Variants in PLXNC1 observed in about 807,000 individuals in gnomAD.
PLXNC1 encodes the protein plexin C1, also known as plexin-C1.
In PLXNC1, 75 loss-of-function variants were observed where a neutral mutation model predicts 178.2. The ratio of observed to expected loss-of-function variants is 0.42; its 90% confidence interval spans 0.35 to 0.51. PLXNC1 has a LOEUF of 0.51. Among genes scored for constraint, PLXNC1 ranks in the 20% least tolerant of loss-of-function variants. The pLI, the probability that PLXNC1 is intolerant of heterozygous loss-of-function variation, is 0.02. For missense variants in PLXNC1, 1,503 were observed against 1,984.4 expected (o/e 0.76, Z 4.61); for synonymous variants, 790 against 779.9 (o/e 1.01, Z -0.22).
At chr12:94,154,820 C>T (rs17298557) in intron 1 of PLXNC1, among the ~76,000 whole-genome samples, 5,206 of 152,332 alleles carry the variant, frequency 0.034, 122 homozygotes, top group Non-Finnish European at 0.054. Context: ...TGTTGGTGTT[C>T]TGATCTATAC....
intron 4 of PLXNC1, among the ~76,000 whole-genome samples, chr12:94,194,877 G>A (rs1482333037): frequency 6.6e-6 from 1 of 152,286 alleles, no homozygotes; most frequent in Non-Finnish European, 1.5e-5. Flanking sequence ...ACTGTCATTT[G>A]GTGGAAGCCC....
At chr12:94,213,970 G>A (rs11107450) in intron 5 of PLXNC1, among the ~76,000 whole-genome samples, 30,926 of 151,326 alleles carry the variant, frequency 0.2, 3,304 homozygotes, top group Middle Eastern at 0.26. Flanking sequence ...AGGTTCAAGC[G>A]ATTCTCCTGC....
At chr12:94,290,499 G>A (rs1448637069) in intron 23 of PLXNC1, among the ~76,000 whole-genome samples, 2 of 152,090 alleles carry the variant, frequency 1.3e-5, no homozygotes, top group Non-Finnish European at 2.9e-5. Flanking sequence ...GGCCCCAGCC[G>A]GCCCCTGCCC....
chr12:94,177,186 TG>T (rs1962106587), intron 2 of PLXNC1, among the ~76,000 whole-genome samples: 1 of 44,900 alleles, frequency 2.2e-5, no homozygotes, highest in African/African-American at 1.1e-4. Context: ...CGTATATATA[TG>T]TATATATATA....
At chr12:94,165,590 C>T (rs1258670716) in intron 1 of PLXNC1, among the ~76,000 whole-genome samples, 4 of 149,246 alleles carry the variant, frequency 2.7e-5, no homozygotes, top group Non-Finnish European at 4.6e-5. Context: ...GTTTAGTGTC[C>T]GCTCCAACAA....
intron 5 of PLXNC1, among the ~76,000 whole-genome samples, chr12:94,215,901 C>T (rs1466869239): frequency 6.6e-6 from 1 of 152,118 alleles, no homozygotes; most frequent in South Asian, 2.1e-4. Context: ...ATTTATTTTA[C>T]CTCTGAAGCA....
chr12:94,175,183 G>C (rs1962005084), intron 2 of PLXNC1, among the ~76,000 whole-genome samples: 2 of 152,126 alleles, frequency 1.3e-5, no homozygotes, highest in African/African-American at 4.8e-5. Flanking sequence ...GTGTGAGCTT[G>C]TGTGTGTGTA....
chr12:94,262,567 GCGGCT>G (rs773042916), intron 20 of PLXNC1: 1 of 985,328 alleles, frequency 1.0e-6, no homozygotes, highest in Non-Finnish European at 1.2e-6. Context: ...TGGTGAGGGG[GCGGCT>G]CGGCTCGCCA....
intron 4 of PLXNC1, among the ~76,000 whole-genome samples, chr12:94,199,702 G>T (rs1963048352): frequency 6.6e-6 from 1 of 152,196 alleles, no homozygotes; most frequent in South Asian, 2.1e-4. Flanking sequence ...GTGCTAAGGG[G>T]CACCTCTCCA....
chr12:94,156,889 A>G (rs1470105552), intron 1 of PLXNC1, among the ~76,000 whole-genome samples: 1 of 151,140 alleles, frequency 6.6e-6, no homozygotes, highest in African/African-American at 2.4e-5. Context: ...TTTTATTTTT[A>G]TTTTTGGTAA....
chr12:94,173,587 A>T (rs1323767109), intron 2 of PLXNC1, among the ~76,000 whole-genome samples: 1 of 152,052 alleles, frequency 6.6e-6, no homozygotes, highest in Admixed American at 6.6e-5. Context: ...AAATGAAAAA[A>T]CCTGAGGCCT....
Position 94,248,074 on chromosome 12 carries a change from G to A in PLXNC1, c.2560G>A (p.Glu854Lys), listed in dbSNP as rs77127440. 6.6e-5 allele frequency: 107 copies of A among 1,614,120 alleles called. No individual in the cohort carries two copies. Among genetic ancestry groups the A allele is most frequent in the Non-Finnish European group, 8.8e-5 (104 of 1,180,004 alleles). ...ATTCACGGGGTATCGGGTGGAATCC[G>A]AGGTGGACACAGAACTGGAAGTGAA... The part of the protein sequence containing the change: ...PRFTGYRVES[E>K]VDTELEVKIQ... The change falls in exon 13 of 31, where the codon GAG (glutamate) becomes AAG (lysine). Residue 854 changes from glutamate to lysine, a missense_variant. By Grantham distance (56) the Glu-to-Lys change is moderately conservative (BLOSUM62 1). Around this residue, in one of 4 missense-constraint regions of PLXNC1, gnomAD observed 639 missense variants for 979.7 expected, o/e 0.65. Coordinates refer to ENST00000258526, the MANE Select transcript of PLXNC1 (RefSeq NM_005761.3).
chr12:94,160,900 T>C (rs1018721317), intron 1 of PLXNC1, among the ~76,000 whole-genome samples: 7 of 152,210 alleles, frequency 4.6e-5, no homozygotes, highest in African/African-American at 1.7e-4. Flanking sequence ...AGGCAGTAAC[T>C]ACCATAATTT....
chr12:94,203,953 C>T (rs1220504602), intron 4 of PLXNC1, among the ~76,000 whole-genome samples: 1 of 152,216 alleles, frequency 6.6e-6, no homozygotes, highest in African/African-American at 2.4e-5. Flanking sequence ...CAAATTCAGT[C>T]TCTTTCTCTT....
intron 21 of PLXNC1, among the ~76,000 whole-genome samples, chr12:94,272,601 T>C (rs1199362098): frequency 6.6e-6 from 1 of 152,172 alleles, no homozygotes; most frequent in Non-Finnish European, 1.5e-5. Context: ...CTACTCTCCC[T>C]TTTGTTCGGA....
chr12:94,295,155 G>T (rs1261373287), intron 24 of PLXNC1, among the ~76,000 whole-genome samples: 1 of 152,202 alleles, frequency 6.6e-6, no homozygotes, highest in African/African-American at 2.4e-5. Context: ...CTCAGCCCTT[G>T]GAAAGGTTCT....
chr12:94,196,484 GGAGCAGACACTA>G (rs1962919610), intron 4 of PLXNC1, among the ~76,000 whole-genome samples: 1 of 152,158 alleles, frequency 6.6e-6, no homozygotes, highest in Non-Finnish European at 1.5e-5. Context: ...CCCCTCACCA[GGAGCAGACACTA>G]CCCATGCTTC....
intron 12 of PLXNC1, among the ~76,000 whole-genome samples, chr12:94,246,636 G>A (rs771032506): frequency 1.3e-5 from 2 of 152,204 alleles, no homozygotes; most frequent in Non-Finnish European, 2.9e-5. Context: ...ATAGGGTTGG[G>A]TGATCCTCTC....
rs144826070 is a variant in PLXNC1, at chr12:94,302,463, TCCCC to T, written c.4387-1292_4387-1289del. Among the ~76,000 whole-genome samples, 120 of 152,312 alleles carry T rather than the reference TCCCC, an allele frequency of 7.9e-4. 1 individual carries two copies. In the East Asian group the frequency reaches 0.022, roughly 28 times the overall value. ...CTACATATGCCTACTTTGTGAACTT[TCCCC>T]AATATATTTCCTACAGCACTTTCTT... On this transcript the variant is annotated intron_variant, in intron 28 of 30. Transcript: ENST00000258526.
Sources: gnomAD v4.1 joint callset for allele counts (sites outside exome capture counted in the v4.1 genomes callset) on GRCh38, gnomAD v4.1.1 for gene constraint, gnomAD v4.1.1 regional missense constraint, MANE v1.5 for transcripts, NCBI Gene and HGNC (gene_info 2026-07-23, HGNC 2026-07-21) for gene names.